Variants in PIEZO2 observed in about 807,000 individuals in gnomAD.
PIEZO2 encodes piezo type mechanosensitive ion channel component 2.
A neutral mutation model predicts 337.3 loss-of-function variants in PIEZO2; 172 were observed. That is an observed-to-expected ratio of 0.51 (90% CI 0.45 to 0.58). The LOEUF (loss-of-function observed/expected upper bound fraction) is 0.58, where lower values mean the gene tolerates loss of function less well. Among genes scored for constraint, PIEZO2 ranks in the 20% least tolerant of loss-of-function variants. The pLI is 0.00. For synonymous variants in PIEZO2, 1,251 were observed against 1,228.5 expected (o/e 1.02, Z -0.38); for missense variants, 3,028 against 3,391.3 (o/e 0.89, Z 2.66).
rs1237680561 is a variant in PIEZO2, at chr18:10,834,468, C to T, written c.917+20885G>A. Among the ~76,000 whole-genome samples the T allele has an allele frequency of 6.6e-6, 1 of 152,200 alleles. No individual in the cohort carries two copies. The highest frequency in any genetic ancestry group is 2.4e-5 in the African/African-American group (1 of 41,444). On this transcript the variant is annotated intron_variant, in intron 7 of 55. Transcript: ENST00000674853. The surrounding 1 kb of genome is among the most constrained non-coding windows in gnomAD (Gnocchi z 4.5). ...TGATATTATCACTATTAGCCCAGCC[C>T]CACTCTGTGATGCAGGTGCCGGCTT...
intron 7 of PIEZO2, among the ~76,000 whole-genome samples, chr18:10,845,759 T>C (rs1314854781): frequency 1.3e-5 from 2 of 152,202 alleles, no homozygotes; most frequent in Non-Finnish European, 2.9e-5. Context: ...AACTGAAGTC[T>C]CTCATGTCTT....
intron 3 of PIEZO2, among the ~76,000 whole-genome samples, chr18:10,922,395 T>C (rs1405804886): frequency 1.3e-5 from 2 of 151,758 alleles, no homozygotes; most frequent in Non-Finnish European, 2.9e-5. Flanking sequence ...TGGAAAGGGA[T>C]GAGAATGCAG....
In PIEZO2 at chr18:11,016,499, G is replaced by A. The variant is rs1320848471; in HGVS notation, c.161-36839C>T. 6.6e-6 allele frequency among the ~76,000 whole-genome samples: 1 copy of A among 152,194 alleles called. No homozygotes were observed. Among genetic ancestry groups the A allele is most frequent in the Non-Finnish European group, 1.5e-5 (1 of 68,036 alleles). ...CCTGCAAAGGGTGGGTATGAGGGGG[G>A]TCGGGTTAAGCGGCTTAACAAAGAG... On this transcript the variant is annotated intron_variant, in intron 2 of 55. Coordinates refer to ENST00000674853, the MANE Select transcript of PIEZO2 (RefSeq NM_001378183.1). This position sits in a 1 kb window ranked among gnomAD's most constrained non-coding sequence, Gnocchi z 5.6.
rs984607887 is a variant in PIEZO2 at position 11,127,978 on chromosome 18, T to G, written c.64+20547A>C. Among the ~76,000 whole-genome samples the G allele has an allele frequency of 1.6e-4, 25 of 152,058 alleles. No individual in the cohort carries two copies. The highest frequency in any genetic ancestry group is 6.0e-4 in the African/African-American group (25 of 41,418). On this transcript the variant is annotated intron_variant, in intron 1 of 55. Transcript: ENST00000674853. The surrounding 1 kb of genome is among the most constrained non-coding windows in gnomAD (Gnocchi z 4.5). ...TTAGTATGATTAGACCTGAAAATGC[T>G]AAGGACTCTACTGCTAACAGTATGC... is the stretch of plus-strand genomic sequence containing the variant.
intron 1 of PIEZO2, among the ~76,000 whole-genome samples, chr18:11,121,852 C>A (rs2040035386): frequency 6.6e-6 from 1 of 151,946 alleles, no homozygotes; most frequent in Admixed American, 6.6e-5. Flanking sequence ...TAGATAAGTT[C>A]TCCTTGTTCT....
intron 49 of PIEZO2, among the ~76,000 whole-genome samples, chr18:10,687,449 C>G (rs1169772778): frequency 6.6e-6 from 1 of 151,986 alleles, no homozygotes. Flanking sequence ...GGTCACCACT[C>G]TACTCTCATG....
In PIEZO2 at chr18:10,979,735, T is replaced by G. The variant is rs2034593490; in HGVS notation, c.161-75A>C. ...ACTGGTGCTGTCTCTTGTACATATTTCTGTATAACCTATTAGATAGACCGA... is the reference window on the plus strand; with the variant it reads ...ACTGGTGCTGTCTCTTGTACATATTGCTGTATAACCTATTAGATAGACCGA... On this transcript the variant is annotated intron_variant, in intron 2 of 55. Transcript: ENST00000674853. The surrounding 1 kb of genome is among the most constrained non-coding windows in gnomAD (Gnocchi z 4.0). The G allele has an allele frequency of 7.4e-7, 1 of 1,359,772 alleles. No homozygotes were observed. Among genetic ancestry groups the G allele is most frequent in the South Asian group, 1.8e-5 (1 of 56,910 alleles). The allele number at this position is 1,359,772 out of a possible 1,614,324, so 84.2% of individuals were successfully genotyped here.
At chr18:10,823,577 A>G (rs1304735672) in intron 7 of PIEZO2, among the ~76,000 whole-genome samples, 1 of 152,250 alleles carries the variant, frequency 6.6e-6, no homozygotes, top group Non-Finnish European at 1.5e-5. Flanking sequence ...GCATCCTCAA[A>G]TATGCTTAGT....
rs374632757 is a variant in PIEZO2, at chr18:11,016,982, G to T, written c.161-37322C>A. Among the ~76,000 whole-genome samples, 1 of 152,182 alleles carries T rather than the reference G, an allele frequency of 6.6e-6. No individual in the cohort carries two copies. Reference sequence around the variant, plus strand: ...TTCAGAGGAGAGCACAGGATTGAAGGGTCAGGGTTAGAAACAGTCTCAGGT... The same window carrying T: ...TTCAGAGGAGAGCACAGGATTGAAGTGTCAGGGTTAGAAACAGTCTCAGGT... On this transcript the variant is annotated intron_variant, in intron 2 of 55. Transcript: ENST00000674853. The surrounding 1 kb of genome is among the most constrained non-coding windows in gnomAD (Gnocchi z 5.6).
chr18:10,690,760 T>C (rs9957910), intron 48 of PIEZO2, among the ~76,000 whole-genome samples: 54,575 of 151,978 alleles, frequency 0.36, 9,818 homozygotes, highest in Non-Finnish European at 0.38. Context: ...ACTTGCTACG[T>C]GGGCACACAG....
intron 2 of PIEZO2, among the ~76,000 whole-genome samples, chr18:11,000,118 A>C (rs764797624): frequency 1.3e-5 from 2 of 152,176 alleles, no homozygotes; most frequent in African/African-American, 4.8e-5. Flanking sequence ...ACAGGGAAGC[A>C]CTCTGGGAAC....
chr18:10,976,521 A>G (rs1416153288), intron 3 of PIEZO2, among the ~76,000 whole-genome samples: 1 of 152,218 alleles, frequency 6.6e-6, no homozygotes, highest in Non-Finnish European at 1.5e-5. Flanking sequence ...AACCTTTTGC[A>G]GAAATAAACT....
chr18:10,723,615 G>A (rs1461094498), intron 36 of PIEZO2, among the ~76,000 whole-genome samples: 6 of 152,140 alleles, frequency 3.9e-5, no homozygotes, highest in African/African-American at 1.4e-4. Context: ...GTAGGAGAGA[G>A]GAGAAATGCT....
chr18:10,893,153 C>T (rs2042802994), intron 4 of PIEZO2, among the ~76,000 whole-genome samples: 1 of 152,130 alleles, frequency 6.6e-6, no homozygotes, highest in Non-Finnish European at 1.5e-5. Context: ...TACAAAATCA[C>T]TGATTTATTG....
At chr18:11,050,565 T>C (rs2037487308) in intron 2 of PIEZO2, among the ~76,000 whole-genome samples, 1 of 150,580 alleles carries the variant, frequency 6.6e-6, no homozygotes. Flanking sequence ...ACACGATTAC[T>C]TACAGGATTA....
intron 47 of PIEZO2, among the ~76,000 whole-genome samples, chr18:10,691,782 C>CACACACACATATATATAT: frequency 1.0e-5 from 1 of 96,616 alleles, no homozygotes; most frequent in Admixed American, 1.1e-4. Context: ...CACACACACA[C>CACACACACATATATATAT]ATATATATAT....
intron 31 of PIEZO2, 141 bp from the exon 32 acceptor site, chr18:10,742,756 T>G: frequency 1.2e-6 from 1 of 854,068 alleles, no homozygotes; most frequent in Non-Finnish European, 1.7e-6. Context: ...GTAAAATGGT[T>G]GCTCATTAGC....
chr18:11,051,370 G>GTGTGGGTGTGT (rs1568330522), intron 2 of PIEZO2, among the ~76,000 whole-genome samples: 1 of 97,234 alleles, frequency 1.0e-5, no homozygotes, highest in African/African-American at 2.9e-5. Flanking sequence ...TGTGTGTGTG[G>GTGTGGGTGTGT]GTGTGGGTGT....
At position 10,903,214 on chromosome 18, in the gene PIEZO2, T is replaced by G. The variant is rs1000942098; in HGVS notation, c.329+7972A>C. 1.3e-5 allele frequency among the ~76,000 whole-genome samples: 2 copies of G among 152,204 alleles called. No individual in the cohort carries two copies. The highest frequency in any genetic ancestry group is 6.5e-5 in the Admixed American group (1 of 15,286). On this transcript the variant is annotated intron_variant, in intron 4 of 55. Coordinates refer to ENST00000674853, the MANE Select transcript of PIEZO2 (RefSeq NM_001378183.1). This position sits in a 1 kb window ranked among gnomAD's most constrained non-coding sequence, Gnocchi z 4.1. ...CACACTCACACTGTCCCTATCTTGG[T>G]CGAGACATTATAATCACTCTCCTGA...
Sources: allele counts gnomAD v4.1 joint callset (sites outside exome capture counted in the v4.1 genomes callset), GRCh38; gene constraint gnomAD v4.1.1; non-coding constraint Gnocchi (gnomAD v3.1); transcripts MANE v1.5; gene names NCBI Gene and HGNC (gene_info 2026-07-23, HGNC 2026-07-21).